Variants in TMCC1 observed in about 807,000 individuals in gnomAD.
The protein encoded by TMCC1 is transmembrane and coiled-coil domain family 1.
In TMCC1, 15 loss-of-function variants were observed where a neutral mutation model predicts 52.4. The ratio of observed to expected loss-of-function variants is 0.29; its 90% CI spans 0.19 to 0.44. The LOEUF (loss-of-function observed/expected upper bound fraction) is 0.44, where lower values mean the gene tolerates loss of function less well. Ranked by LOEUF, TMCC1 falls within the 20% of genes least tolerant of loss-of-function variation. The pLI is 1.00. For missense variants in TMCC1, 503 were observed against 806.0 expected (o/e 0.62, Z 4.55); for synonymous variants, 279 against 301.9 (o/e 0.92, Z 0.79).
chr3:129,686,294 G>T (rs1227406129), intron 4 of TMCC1, among the ~76,000 whole-genome samples: 1 of 152,126 alleles, frequency 6.6e-6, no homozygotes, highest in African/African-American at 2.4e-5. Context: ...TAGAGATGGG[G>T]TTTCTCCATG....
intron 4 of TMCC1, among the ~76,000 whole-genome samples, chr3:129,686,348 C>T (rs777256909): frequency 1.8e-4 from 27 of 152,188 alleles, no homozygotes; most frequent in African/African-American, 4.8e-4. Flanking sequence ...GTGATTCGCC[C>T]GCCTCGGCCT....
In TMCC1 at chr3:129,695,383, A is replaced by C. The variant is rs548954363; in HGVS notation, c.577-24119T>G. Reference sequence around the variant, plus strand: ...CAGTGTTTGTGATGCAATGTGTATTAGTCTGTTCTCATGCTGCTAATAAAG... The same window carrying C: ...CAGTGTTTGTGATGCAATGTGTATTCGTCTGTTCTCATGCTGCTAATAAAG... On this transcript the variant is annotated intron_variant, in intron 4 of 6. Transcript: ENST00000393238. Among the ~76,000 whole-genome samples, 7 of 152,294 alleles carry C rather than the reference A, an allele frequency of 4.6e-5. 1 individual carries two copies. The South Asian group carries it at 1.4e-3, about 32-fold the overall frequency.
intron 4 of TMCC1, among the ~76,000 whole-genome samples, chr3:129,748,934 A>G (rs1326265480): frequency 1.3e-5 from 2 of 152,126 alleles, no homozygotes; most frequent in Non-Finnish European, 2.9e-5. Flanking sequence ...AGGAGGCACA[A>G]GAATCCTTTG....
At chr3:129,768,447 G>C (rs908337157) in intron 4 of TMCC1, among the ~76,000 whole-genome samples, 3 of 152,240 alleles carry the variant, frequency 2.0e-5, no homozygotes, top group African/African-American at 7.2e-5. Flanking sequence ...AGTGAGAACT[G>C]ATTTAAGCAA....
At chr3:129,703,767 G>A (rs940169513) in intron 4 of TMCC1, among the ~76,000 whole-genome samples, 1 of 152,162 alleles carries the variant, frequency 6.6e-6, no homozygotes, top group Non-Finnish European at 1.5e-5. Context: ...AAATGAGGAG[G>A]AGAATTTGGG....
At chr3:129,797,586 A>G (rs2056920596) in intron 4 of TMCC1, among the ~76,000 whole-genome samples, 1 of 152,054 alleles carries the variant, frequency 6.6e-6, no homozygotes, top group South Asian at 2.1e-4. Flanking sequence ...TACAAAAAAC[A>G]CACAAAAAAT....
intron 4 of TMCC1, among the ~76,000 whole-genome samples, chr3:129,731,965 A>G (rs2050582691): frequency 6.6e-6 from 1 of 152,186 alleles, no homozygotes; most frequent in Admixed American, 6.5e-5. Flanking sequence ...ATAATACCCA[A>G]TGCAATGCCT....
chr3:129,747,434 T>C (rs1487891633), intron 4 of TMCC1, among the ~76,000 whole-genome samples: 1 of 152,232 alleles, frequency 6.6e-6, no homozygotes, highest in Non-Finnish European at 1.5e-5. Context: ...TTTTAAGCTA[T>C]ATTGTTTCAA....
At chr3:129,694,222 A>G (rs541984391) in intron 4 of TMCC1, among the ~76,000 whole-genome samples, 55 of 152,354 alleles carry the variant, frequency 3.6e-4, no homozygotes, top group African/African-American at 1.3e-3. Context: ...AGAGTGTTTA[A>G]AAGTCCAATC....
At chr3:129,751,349 G>A (rs1204757161) in intron 4 of TMCC1, among the ~76,000 whole-genome samples, 3 of 152,086 alleles carry the variant, frequency 2.0e-5, no homozygotes, top group African/African-American at 7.2e-5. Context: ...GGGCAACATA[G>A]TAAGACCTCA....
chr3:129,772,733 A>C (rs1190973728), intron 4 of TMCC1, among the ~76,000 whole-genome samples: 2 of 151,562 alleles, frequency 1.3e-5, no homozygotes, highest in South Asian at 2.1e-4. Context: ...AAAAAAAAAA[A>C]AAAAAAAAAA....
At chr3:129,709,497 AAG>A (rs59129244) in intron 4 of TMCC1, among the ~76,000 whole-genome samples, 1 of 64,030 alleles carries the variant, frequency 1.6e-5, no homozygotes, top group African/African-American at 6.7e-5. Flanking sequence ...AAAAAAAAAA[AAG>A]AGAGAGAGAG....
At chr3:129,771,774 CAAAAAAAAAAAA>C (rs755523077) in intron 4 of TMCC1, among the ~76,000 whole-genome samples, 3 of 75,682 alleles carry the variant, frequency 4.0e-5, no homozygotes, top group African/African-American at 7.9e-5. Context: ...GACACTGTCT[CAAAAAAAAAAAA>C]AAAAAAAAAA....
chr3:129,791,843 G>C (rs1477750023), intron 4 of TMCC1, among the ~76,000 whole-genome samples: 1 of 152,064 alleles, frequency 6.6e-6, no homozygotes, highest in Non-Finnish European at 1.5e-5. Context: ...TTTTAACTCA[G>C]ATGTGAACAT....
intron 1 of TMCC1, among the ~76,000 whole-genome samples, chr3:129,892,308 C>G (rs570034925): frequency 2.0e-5 from 3 of 151,962 alleles, no homozygotes; most frequent in Non-Finnish European, 2.9e-5. Context: ...TGGGTGATTG[C>G]AAAAAAATAC....
chr3:129,712,001 CA>C (rs71155567), intron 4 of TMCC1, among the ~76,000 whole-genome samples: 66 of 47,712 alleles, frequency 1.4e-3, no homozygotes, highest in African/African-American at 5.8e-3. Context: ...GACTCTGTCT[CA>C]AAAAAAAAAA....
intron 4 of TMCC1, among the ~76,000 whole-genome samples, chr3:129,735,000 C>T (rs937528598): frequency 1.3e-5 from 2 of 151,276 alleles, no homozygotes; most frequent in Admixed American, 1.3e-4. Context: ...TCTCCGGGTT[C>T]ATGCTGTTCT....
intron 4 of TMCC1, among the ~76,000 whole-genome samples, chr3:129,720,541 G>A (rs1352605380): frequency 2.6e-5 from 4 of 152,142 alleles, no homozygotes; most frequent in Non-Finnish European, 5.9e-5. Context: ...CCAGACACAT[G>A]AGGAAGGGAG....
chr3:129,736,938 C>G (rs940453410), intron 4 of TMCC1, among the ~76,000 whole-genome samples: 4 of 152,202 alleles, frequency 2.6e-5, no homozygotes, highest in African/African-American at 7.2e-5. Context: ...ACCACCCATA[C>G]TCAACAACTG....
Sources: allele counts gnomAD v4.1 joint callset (sites outside exome capture counted in the v4.1 genomes callset), GRCh38; gene constraint gnomAD v4.1.1; transcripts MANE v1.5; gene names NCBI Gene and HGNC (gene_info 2026-07-23, HGNC 2026-07-21).